The following RIPOR2 variants were observed in gnomAD, a reference collection of about 807,000 sequenced individuals.
RIPOR2 encodes rho family-interacting cell polarization regulator 2.
A neutral mutation model predicts 114.5 loss-of-function variants in RIPOR2; 39 were observed. The observed-to-expected ratio is 0.34, with a 90% CI of 0.26 to 0.44. The LOEUF (loss-of-function observed/expected upper bound fraction) is 0.44, where lower values mean the gene tolerates loss of function less well. RIPOR2 is among the 20% of genes least tolerant of loss of function. RIPOR2 has a pLI of 1.00. For missense variants in RIPOR2, 1,007 were observed against 1,255.1 expected (o/e 0.80, Z 2.99); for synonymous variants, 445 against 484.4 (o/e 0.92, Z 1.07).
At chr6:24,990,377 C>G (rs4712871) in intron 1 of RIPOR2, among the ~76,000 whole-genome samples, 57,002 of 151,994 alleles carry the variant, frequency 0.38, 10,903 homozygotes, top group South Asian at 0.43. Flanking sequence ...AAGTCAATAC[C>G]AAAAGAGGAA....
intron 1 of RIPOR2, among the ~76,000 whole-genome samples, chr6:24,918,294 T>G (rs1770237155): frequency 6.6e-6 from 1 of 152,252 alleles, no homozygotes; most frequent in African/African-American, 2.4e-5. Context: ...TTGGCTTGAT[T>G]GATAATCATT....
At chr6:24,938,918 G>A (rs562295529), upstream of RIPOR2, among the ~76,000 whole-genome samples, 33 of 152,188 alleles carry the variant, frequency 2.2e-4, no homozygotes, top group African/African-American at 6.7e-4. Flanking sequence ...GCATCAATAT[G>A]GATGAGTTTC....
chr6:24,952,143 A>T (rs924919103), intron 1 of RIPOR2, among the ~76,000 whole-genome samples: 2 of 152,180 alleles, frequency 1.3e-5, no homozygotes, highest in African/African-American at 4.8e-5. Flanking sequence ...AACATGAGAA[A>T]CCCACAAAGA....
chr6:25,034,710 C>T lies in RIPOR2; in HGVS notation c.76+7141G>A, dbSNP rs984634176. ...TCATTTTCTTTTTTATGTTTGTTAG[C>T]TGTATTTGTATTTGCTGCTTCTTCC... On this transcript the variant is annotated intron_variant, in intron 1 of 13. Coordinates refer to the RIPOR2 transcript ENST00000510784. Among the ~76,000 whole-genome samples the T allele has an allele frequency of 2.2e-4, 34 of 152,240 alleles. 6 individuals are homozygous for T. Among genetic ancestry groups the T allele is most frequent in the Admixed American group, 2.1e-3 (32 of 15,268 alleles).
intron 19 of RIPOR2, among the ~76,000 whole-genome samples, chr6:24,819,914 A>G (rs1314156212): frequency 6.6e-6 from 1 of 152,138 alleles, no homozygotes; most frequent in African/African-American, 2.4e-5. Flanking sequence ...GTTCATAGGA[A>G]ACTTAATTAC....
chr6:24,869,805 G>T (rs547991274), intron 5 of RIPOR2, among the ~76,000 whole-genome samples: 27 of 151,808 alleles, frequency 1.8e-4, no homozygotes, highest in African/African-American at 5.1e-4. Flanking sequence ...TCTAAGATTG[G>T]TTTTTTTTCC....
At chr6:24,899,766 T>G (rs899160136) in intron 1 of RIPOR2, among the ~76,000 whole-genome samples, 3 of 152,224 alleles carry the variant, frequency 2.0e-5, no homozygotes, top group Admixed American at 1.3e-4. Flanking sequence ...CTCAAGTTTG[T>G]TTTTTCTCCA....
At chr6:25,025,115 A>G (rs762612394) in intron 1 of RIPOR2, among the ~76,000 whole-genome samples, 4 of 152,158 alleles carry the variant, frequency 2.6e-5, no homozygotes, top group Non-Finnish European at 5.9e-5. Flanking sequence ...ACAGAGTTTG[A>G]TATGTAGCGG....
At chr6:24,867,120 T>C (rs1280491611) in intron 6 of RIPOR2, among the ~76,000 whole-genome samples, 1 of 152,268 alleles carries the variant, frequency 6.6e-6, no homozygotes, top group East Asian at 1.9e-4. Flanking sequence ...TGTTGCTATT[T>C]ACTTCAACAA....
At chr6:24,948,674 G>A (rs796605476) in intron 1 of RIPOR2, among the ~76,000 whole-genome samples, 20 of 152,242 alleles carry the variant, frequency 1.3e-4, no homozygotes, top group African/African-American at 4.8e-4. Context: ...TGGGATTACA[G>A]GCATGAGCCA....
chr6:25,033,373 G>T (rs1189529612), intron 1 of RIPOR2, among the ~76,000 whole-genome samples: 1 of 152,132 alleles, frequency 6.6e-6, no homozygotes, highest in African/African-American at 2.4e-5. Context: ...CAGTCCTTTT[G>T]ACAGATTCCC....
chr6:24,968,916 G>A (rs1309131547), intron 1 of RIPOR2, among the ~76,000 whole-genome samples: 3 of 152,162 alleles, frequency 2.0e-5, no homozygotes, highest in African/African-American at 7.2e-5. Flanking sequence ...TACTGAACTG[G>A]CTACACCTTT....
At chr6:24,961,514 C>T (rs1178086192) in intron 1 of RIPOR2, among the ~76,000 whole-genome samples, 2 of 152,152 alleles carry the variant, frequency 1.3e-5, no homozygotes, top group Non-Finnish European at 2.9e-5. Context: ...TTAACCTCTC[C>T]AAGCCTCACT....
intron 1 of RIPOR2, among the ~76,000 whole-genome samples, chr6:24,979,283 C>CTTTTT (rs60372040): frequency 3.0e-5 from 3 of 99,448 alleles, no homozygotes; most frequent in African/African-American, 8.2e-5. Flanking sequence ...TAGGGAAATT[C>CTTTTT]TTTTTTTTTT....
At chr6:24,997,647 T>C (rs1461281923) in intron 1 of RIPOR2, among the ~76,000 whole-genome samples, 2 of 152,194 alleles carry the variant, frequency 1.3e-5, no homozygotes, top group African/African-American at 4.8e-5. Context: ...TGCCACAGTA[T>C]ATAACAACCA....
intron 1 of RIPOR2, among the ~76,000 whole-genome samples, chr6:24,916,051 A>T (rs1227654403): frequency 6.6e-6 from 1 of 152,162 alleles, no homozygotes; most frequent in Non-Finnish European, 1.5e-5. Context: ...GCCTTTGTGG[A>T]CCTATGTCCT....
rs1409382010 is a variant in RIPOR2 at position 24,909,072 on chromosome 6, C to T, written c.61+26766G>A. 2.0e-5 allele frequency among the ~76,000 whole-genome samples: 3 copies of T among 152,268 alleles called. No individual in the cohort carries two copies. In the East Asian group the frequency reaches 5.8e-4, roughly 29 times the overall value. On this transcript the variant is annotated intron_variant, in intron 1 of 21. Transcript: ENST00000643898. ...TTTGCTAAACAGATTCTCCAATGTTCAAGTTTTCAGATGTTTGGATGCAGT... is the reference window on the plus strand; with the variant it reads ...TTTGCTAAACAGATTCTCCAATGTTTAAGTTTTCAGATGTTTGGATGCAGT...
chr6:24,950,184 G>T (rs1017750406), intron 1 of RIPOR2, among the ~76,000 whole-genome samples: 3 of 152,154 alleles, frequency 2.0e-5, no homozygotes, highest in African/African-American at 7.2e-5. Context: ...TTCATTGGAT[G>T]GTTTCTAGTA....
In RIPOR2 at chr6:24,843,364, G is replaced by A; in HGVS notation, c.1355C>T (p.Ser452Phe). ...PAEFNLSSLA[S>F]QNEGMDDTSS... is the part of the protein sequence containing the mutation. ...GGTGTCATCCATACCCTCATTCTGG[G>A]AGGCCAAGCTGCTGAGGTTAAACTC... Residue 452 changes from serine (S) to phenylalanine (F), a missense_variant, in exon 13 of 22, where the codon TCC (serine) becomes TTC (phenylalanine). Ser to Phe is a radical substitution (Grantham distance 155). Transcript: ENST00000643898. 1 of 1,613,940 alleles carries A rather than the reference G, an allele frequency of 6.2e-7. No individual in the cohort carries two copies. The highest frequency in any genetic ancestry group is 1.3e-5 in the African/African-American group (1 of 75,014).
Sources: gnomAD v4.1 joint callset for allele counts (sites outside exome capture counted in the v4.1 genomes callset) on GRCh38, gnomAD v4.1.1 for gene constraint, MANE v1.5 for transcripts, NCBI Gene and HGNC (gene_info 2026-07-23, HGNC 2026-07-21) for gene names.